LMNB2: variants seen among roughly 807,000 people sequenced by gnomAD.
LMNB2 encodes lamin B2.
A neutral mutation model predicts 69.3 loss-of-function variants in LMNB2; 17 were observed. The ratio of observed to expected loss-of-function variants is 0.25; its 90% CI spans 0.17 to 0.37. The LOEUF (loss-of-function observed/expected upper bound fraction) is 0.37. Among genes scored for constraint, LMNB2 ranks in the 10% least tolerant of loss-of-function variants. The pLI is 1.00. For missense variants in LMNB2, 789 were observed against 883.6 expected (o/e 0.89, Z 1.36); for synonymous variants, 397 against 389.3 (o/e 1.02, Z -0.23).
chr19:2,431,413 G>T, intron 11 of LMNB2, 135 bp downstream of exon 11: 1 of 1,130,152 alleles, frequency 8.8e-7, no homozygotes, highest in East Asian at 2.4e-5. Flanking sequence ...AGCCAAGGCT[G>T]GCTTCACCCT....
chr19:2,434,143 A>G (rs1208635754), intron 7 of LMNB2, 38 bp from the exon 8 acceptor site: 2 of 1,557,052 alleles, frequency 1.3e-6, no homozygotes, highest in Admixed American at 1.9e-5. Context: ...TGGTAGTGGG[A>G]GCCCCAGACA....
chr19:2,438,386 G>T lies in LMNB2; in HGVS notation c.547C>A (p.Gln183Lys), dbSNP rs1262864035. The change falls in exon 3 of 12, where the codon CAG (glutamine) becomes AAG (lysine). Residue 183 changes from glutamine to lysine, a missense_variant. Gln to Lys is a moderately conservative substitution (Grantham distance 53). Transcript: ENST00000325327. The stretch of plus-strand genomic sequence containing the variant: ...CTCCTGGCACCTACCTTGGCCAGCT[G>T]GGCCCGCAGCTCAGCCACGTCACTC... Reference protein sequence around the residue: ...LESDVAELRAQLAKAEDGHAV... With the variant: ...LESDVAELRAKLAKAEDGHAV... 3 of 1,612,936 alleles carry T rather than the reference G, an allele frequency of 1.9e-6. No individual in the cohort carries two copies. Among genetic ancestry groups the T allele is most frequent in the Non-Finnish European group, 2.5e-6 (3 of 1,179,880 alleles).
In LMNB2 at chr19:2,433,967, G is replaced by C. The variant is rs767447519; in HGVS notation, c.1341C>G (p.Ser447Arg). 1.9e-6 allele frequency: 3 copies of C among 1,610,896 alleles called. No homozygotes were observed. The East Asian group carries it at 6.7e-5, about 36-fold the overall frequency. The change falls in exon 8 of 12, where the codon AGC becomes AGG. Residue 447 changes from serine to arginine, a missense_variant. Transcript: ENST00000325327. Reference sequence around the variant, plus strand: ...TGCCCGTGCCCAGGACGCTTGGGCCGCTGCCCAAGGGCTCCTCCACCTCCA... The same window carrying C: ...TGCCCGTGCCCAGGACGCTTGGGCCCCTGCCCAAGGGCTCCTCCACCTCCA... ...KRLEVEEPLGSGPSVLGTGTG... is the reference protein window; with the variant it reads ...KRLEVEEPLGRGPSVLGTGTG...
intron 1 of LMNB2, 95 bp from the exon 2 acceptor site, chr19:2,444,635 AG>A: frequency 6.7e-7 from 1 of 1,502,168 alleles, no homozygotes; most frequent in Non-Finnish European, 9.1e-7. Flanking sequence ...TCAGATTCCC[AG>A]GGACTGGCAC....
intron 2 of LMNB2, among the ~76,000 whole-genome samples, chr19:2,442,233 A>G (rs1599337078): frequency 6.6e-6 from 1 of 152,084 alleles, no homozygotes; most frequent in Non-Finnish European, 1.5e-5. Context: ...AGGTGGGAGG[A>G]TCACTTTAGC....
At position 2,444,413 on chromosome 19, in the gene LMNB2, A is replaced by T; in HGVS notation, c.392T>A (p.Val131Asp). 6.2e-7 allele frequency: 1 copy of T among 1,613,352 alleles called. No individual in the cohort carries two copies. The highest frequency in any genetic ancestry group is 8.5e-7 in the Non-Finnish European group (1 of 1,179,946). Residue 131 changes from valine (V) to aspartate (D), a missense_variant, in exon 2 of 12, where the codon GTC (valine) becomes GAC (aspartate). Coordinates refer to ENST00000325327, the MANE Select transcript of LMNB2 (RefSeq NM_032737.4). ...IGKLRAELDE[V>D]NKSAKKREGE... ...AGCCGTGACCACTCACCTCTTGTTG[A>T]CCTCGTCCAACTCTGCCCTCAGCTT...
intron 2 of LMNB2, among the ~76,000 whole-genome samples, chr19:2,440,521 T>A (rs369450098): frequency 2.0e-5 from 3 of 152,178 alleles, no homozygotes. Flanking sequence ...TATTGCTCTA[T>A]CTATTACTGT....
chr19:2,437,598 C>T lies in LMNB2; in HGVS notation c.684+565G>A, dbSNP rs527907529. On this transcript the variant is annotated intron_variant, in intron 4 of 11. Coordinates refer to ENST00000325327, the MANE Select transcript of LMNB2 (RefSeq NM_032737.4). The stretch of plus-strand genomic sequence containing the variant: ...GATGAAGCACCTGAGGTCAGGAGTT[C>T]GAGACCAGCCTGGCCAACGTGGTGA... Among the ~76,000 whole-genome samples, 9 of 152,238 alleles carry T rather than the reference C, an allele frequency of 5.9e-5. No homozygotes were observed. In the East Asian group the frequency reaches 1.4e-3, roughly 23 times the overall value.
chr19:2,435,083 T>G lies in LMNB2; in HGVS notation c.773A>C (p.Gln258Pro). 1 of 1,610,344 alleles carries G rather than the reference T, an allele frequency of 6.2e-7. No individual in the cohort carries two copies. Among genetic ancestry groups the G allele is most frequent in the Non-Finnish European group, 8.5e-7 (1 of 1,179,616 alleles). Reference sequence around the variant, plus strand: ...CTGGCTCCGCAGCTCCTCCAGCGCCTGTGCCATCTTGAAGTCGTACTCCTG... The same window carrying G: ...CTGGCTCCGCAGCTCCTCCAGCGCCGGTGCCATCTTGAAGTCGTACTCCTG... Reference protein sequence around the residue: ...RQQEYDFKMAQALEELRSQHD... With the variant: ...RQQEYDFKMAPALEELRSQHD... The change falls in exon 5 of 12, where the codon CAG (glutamine) becomes CCG (proline). Residue 258 changes from glutamine to proline, a missense_variant. Gln to Pro is a moderately conservative substitution (Grantham distance 76). Around this residue, in one of 3 missense-constraint regions of LMNB2, gnomAD observed 609 missense variants for 630.9 expected, o/e 0.97. Coordinates refer to ENST00000325327, the MANE Select transcript of LMNB2 (RefSeq NM_032737.4).
At chr19:2,440,499 G>C (rs1189925936) in intron 2 of LMNB2, among the ~76,000 whole-genome samples, 1 of 152,098 alleles carries the variant, frequency 6.6e-6, no homozygotes, top group Non-Finnish European at 1.5e-5. Flanking sequence ...CTTACAGATA[G>C]CTATATCTAT....
chr19:2,447,886 A>G lies in LMNB2; in HGVS notation c.265-3346T>C, dbSNP rs1204156233. On this transcript the variant is annotated intron_variant, in intron 1 of 11. Transcript: ENST00000325327. This position sits in a 1 kb window ranked among gnomAD's most constrained non-coding sequence, Gnocchi z 4.4. The stretch of plus-strand genomic sequence containing the variant: ...ACAAGTCAGAGTCTCAGGCTGCCCC[A>G]GCACCGCAGCTCCAAGTCCCGTCAG... Among the ~76,000 whole-genome samples, 2 of 152,182 alleles carry G rather than the reference A, an allele frequency of 1.3e-5. No individual in the cohort carries two copies. The highest frequency in any genetic ancestry group is 4.8e-5 in the African/African-American group (2 of 41,444).
At chr19:2,439,035 CTTT>C (rs397945879) in intron 2 of LMNB2, among the ~76,000 whole-genome samples, 1,218 of 65,386 alleles carry the variant, frequency 0.019, 6 homozygotes, top group East Asian at 0.069. Flanking sequence ...GGCACTTAAG[CTTT>C]TTTTTTTTTT....
chr19:2,431,342 G>A (rs563898042), intron 11 of LMNB2, among the ~76,000 whole-genome samples: 8 of 152,242 alleles, frequency 5.3e-5, no homozygotes, highest in South Asian at 2.1e-4. Flanking sequence ...CTGTGATGTC[G>A]CAAATTCACA....
At chr19:2,451,999 A>G (rs1599342253) in intron 1 of LMNB2, among the ~76,000 whole-genome samples, 1 of 151,882 alleles carries the variant, frequency 6.6e-6, no homozygotes, top group Non-Finnish European at 1.5e-5. Flanking sequence ...GCAGGGAAGT[A>G]CCTGGAGTAC....
chr19:2,449,276 G>A (rs551278139), intron 1 of LMNB2, among the ~76,000 whole-genome samples: 1 of 152,272 alleles, frequency 6.6e-6, no homozygotes, highest in South Asian at 2.1e-4. Context: ...CGGGCGGTGT[G>A]GGTCTGTGGC....
In LMNB2 at chr19:2,444,560, G is replaced by A. The variant is rs1971932785; in HGVS notation, c.265-20C>T. 1 of 1,606,092 alleles carries A rather than the reference G, an allele frequency of 6.2e-7. No homozygotes were observed. The highest frequency in any genetic ancestry group is 1.7e-5 in the Admixed American group (1 of 60,020). ...ACTCACCTGGGGAGACCCAGGACAGGGTGAAGCGAGAGGGACCCTTCCCCT... is the reference window on the plus strand; with the variant it reads ...ACTCACCTGGGGAGACCCAGGACAGAGTGAAGCGAGAGGGACCCTTCCCCT... On this transcript the variant is annotated intron_variant, in intron 1 of 11. Coordinates refer to ENST00000325327, the MANE Select transcript of LMNB2 (RefSeq NM_032737.4).
intron 9 of LMNB2, 147 bp downstream of exon 9, chr19:2,432,269 G>T (rs1490831609): frequency 8.2e-6 from 6 of 730,904 alleles, no homozygotes; most frequent in Non-Finnish European, 1.2e-5. Flanking sequence ...GCACATGGAG[G>T]TTCTATGACT....
At position 2,434,880 on chromosome 19, in the gene LMNB2, C is replaced by T. The variant is rs776112679; in HGVS notation, c.889G>A (p.Asp297Asn). The change falls in exon 6 of 12, where the codon GAC (aspartate) becomes AAC (asparagine). Residue 297 changes from aspartate (D) to asparagine (N), a missense_variant. Coordinates refer to ENST00000325327, the MANE Select transcript of LMNB2 (RefSeq NM_032737.4). ...TCGCGAGCCGCACTGGCCGCCTTGT[C>T]GTTCTGGTCAGAGCTCAGCTTGGCG... The part of the protein sequence containing the change: ...DSAKLSSDQN[D>N]KAASAAREEL... 18 of 1,606,822 alleles carry T rather than the reference C, an allele frequency of 1.1e-5. No individual in the cohort carries two copies. Among genetic ancestry groups the T allele is most frequent in the Middle Eastern group, 1.7e-4 (1 of 5,990 alleles).
At chr19:2,445,271 C>A (rs1057258371) in intron 1 of LMNB2, among the ~76,000 whole-genome samples, 17 of 151,926 alleles carry the variant, frequency 1.1e-4, no homozygotes, top group Non-Finnish European at 4.4e-5. Flanking sequence ...CCCCCAGACC[C>A]CGCTGAGCCC....
Sources: gnomAD v4.1 joint callset for allele counts (sites outside exome capture counted in the v4.1 genomes callset) on GRCh38, gnomAD v4.1.1 for gene constraint, gnomAD v4.1.1 regional missense constraint, Gnocchi (gnomAD v3.1) non-coding constraint, MANE v1.5 for transcripts, NCBI Gene and HGNC (gene_info 2026-07-23, HGNC 2026-07-21) for gene names.